The following DNAAF6 variants were observed in gnomAD, a reference collection of about 807,000 sequenced individuals.
DNAAF6 encodes PIH1 domain containing 3.
A neutral mutation model predicts 13.7 loss-of-function variants in DNAAF6; 3 were observed. That is an observed-to-expected ratio of 0.22 (90% confidence interval 0.10 to 0.56). The LOEUF is 0.56. Among genes scored for constraint, DNAAF6 ranks in the 20% least tolerant of loss-of-function variants. The pLI is 0.92. For synonymous variants in DNAAF6, 54 were observed against 49.2 expected, an observed-to-expected ratio of 1.10 and a Z score of -0.41; for missense variants, 130 against 151.0, an observed-to-expected ratio of 0.86 and a Z score of 0.73.
At chrX:107,228,209 G>A (rs1395694586) in intron 5 of DNAAF6, among the ~76,000 whole-genome samples, 1 of 111,966 alleles carries the variant, frequency 8.9e-6, no homozygotes, top group Non-Finnish European at 1.9e-5. Context: ...TTAGGATGCA[G>A]AAAGAACTTT....
At chrX:107,220,117 A>G (rs754108120) in intron 4 of DNAAF6, among the ~76,000 whole-genome samples, 2 of 112,194 alleles carry the variant, frequency 1.8e-5, no homozygotes, top group South Asian at 7.4e-4. Flanking sequence ...CCAGTATAAA[A>G]CAAGCAAATA....
Position 107,237,399 on chromosome X carries a change from G to A in DNAAF6, c.430-1523G>A, listed in dbSNP as rs190580272. 6.3e-5 allele frequency among the ~76,000 whole-genome samples: 7 copies of A among 111,966 alleles called. No homozygotes were observed. The Admixed American group carries it at 6.7e-4, about 11-fold the overall frequency. On this transcript the variant is annotated intron_variant, in intron 5 of 6. Coordinates refer to ENST00000372453, the MANE Select transcript of DNAAF6 (RefSeq NM_173494.2). ...GCATTTTCTTCATTTCTTTGTTTAT[G>A]GAAACCATATGCCATGCTATCCTAT...
At chrX:107,237,733 C>T (rs928866361) in intron 5 of DNAAF6, among the ~76,000 whole-genome samples, 4 of 112,191 alleles carry the variant, frequency 3.6e-5, no homozygotes, top group African/African-American at 1.3e-4. Context: ...CCTGTAATTC[C>T]AGCACGTTGG....
At chrX:107,232,774 G>A (rs1156928436) in intron 5 of DNAAF6, among the ~76,000 whole-genome samples, 1 of 110,942 alleles carries the variant, frequency 9.0e-6, no homozygotes, top group Non-Finnish European at 1.9e-5. Context: ...ACAGGGTCTT[G>A]CTCTGTCACC....
intron 1 of DNAAF6, among the ~76,000 whole-genome samples, chrX:107,207,851 C>T (rs975736329): frequency 1.8e-5 from 2 of 110,544 alleles, no homozygotes; most frequent in African/African-American, 6.6e-5. Context: ...CCCTGGAGAT[C>T]GAGGCTGCAG....
chrX:107,237,107 T>A (rs899689942), intron 5 of DNAAF6, among the ~76,000 whole-genome samples: 1 of 112,438 alleles, frequency 8.9e-6, no homozygotes, highest in African/African-American at 3.2e-5. Context: ...TTTACAAATC[T>A]TTGTTTATAT....
intron 5 of DNAAF6, among the ~76,000 whole-genome samples, chrX:107,223,886 C>T (rs1928201818): frequency 9.0e-6 from 1 of 111,122 alleles, no homozygotes; most frequent in Admixed American, 9.6e-5. Context: ...CAGGGTTTTA[C>T]CAGTAATATT....
intron 5 of DNAAF6, among the ~76,000 whole-genome samples, chrX:107,223,060 A>G (rs759624145): frequency 1.8e-5 from 2 of 112,234 alleles, no homozygotes; most frequent in Non-Finnish European, 1.9e-5. Flanking sequence ...ACAAATAAAC[A>G]TAATGGAATC....
intron 5 of DNAAF6, 100 bp from the exon 6 acceptor site, chrX:107,238,822 T>A: frequency 8.9e-7 from 1 of 1,125,980 alleles, no homozygotes; most frequent in Non-Finnish European, 1.2e-6. Flanking sequence ...GGCACATAGT[T>A]GACAATAAAT....
At chrX:107,223,940 G>A (rs769472956) in intron 5 of DNAAF6, among the ~76,000 whole-genome samples, 20 of 111,247 alleles carry the variant, frequency 1.8e-4, no homozygotes, top group Non-Finnish European at 3.8e-4. Flanking sequence ...TGTTTTTGAT[G>A]TGTAATGTTG....
chrX:107,217,134 G>C (rs1928011798), intron 3 of DNAAF6, among the ~76,000 whole-genome samples: 1 of 111,790 alleles, frequency 8.9e-6, no homozygotes, highest in Non-Finnish European at 1.9e-5. Context: ...TAAAGATGCT[G>C]TTTTTACTCT....
intron 1 of DNAAF6, among the ~76,000 whole-genome samples, chrX:107,210,095 T>C (rs1323072952): frequency 9.0e-6 from 1 of 111,306 alleles, no homozygotes; most frequent in Admixed American, 9.6e-5. Context: ...GGCTAGTAGA[T>C]GGTCCAATCA....
intron 6 of DNAAF6, among the ~76,000 whole-genome samples, chrX:107,241,380 A>G (rs1282156940): frequency 3.6e-5 from 4 of 112,240 alleles, no homozygotes; most frequent in African/African-American, 1.3e-4. Flanking sequence ...AAATGCAAAT[A>G]CATTGTCAAT....
At chrX:107,233,537 GTATTAGATATTTTTTAGGTTCCACATT>G (rs1405410442) in intron 5 of DNAAF6, among the ~76,000 whole-genome samples, 1 of 111,194 alleles carries the variant, frequency 9.0e-6, no homozygotes, top group Non-Finnish European at 1.9e-5. Context: ...CTATTTCTAT[GTATTAGATATTTTTTAGGTTCCACATT>G]TAAGAGAGAT....
In DNAAF6 at chrX:107,243,179, A is replaced by T; in HGVS notation, c.526A>T (p.Ile176Leu). ...DLRTPQKKLL[I>L]TLPELVECTS... ...GTTGTTTTTTTTTAGGAAGCTGTTG[A>T]TAACTCTTCCTGAGCTGGTGGAATG... The change falls in exon 7 of 7, where the codon ATA becomes TTA. Residue 176 changes from isoleucine to leucine, a missense_variant. Transcript: ENST00000372453. The T allele has an allele frequency of 2.5e-6, 3 of 1,200,743 alleles. No individual in the cohort carries two copies. The highest frequency in any genetic ancestry group is 3.7e-5 in the South Asian group (2 of 54,335).
intron 1 of DNAAF6, among the ~76,000 whole-genome samples, chrX:107,211,636 G>T (rs1478201562): frequency 8.9e-6 from 1 of 111,990 alleles, no homozygotes; most frequent in African/African-American, 3.2e-5. Context: ...GTCACTTTAG[G>T]AGACTAATCT....
At chrX:107,221,737 TA>T (rs990981526) in intron 4 of DNAAF6, among the ~76,000 whole-genome samples, 4 of 110,984 alleles carry the variant, frequency 3.6e-5, no homozygotes, top group African/African-American at 1.3e-4. Context: ...TATAGCCTAT[TA>T]AGAGAAAAGT....
intron 5 of DNAAF6, among the ~76,000 whole-genome samples, chrX:107,225,173 T>C (rs919237343): frequency 2.7e-5 from 3 of 110,115 alleles, no homozygotes; most frequent in African/African-American, 9.9e-5. Context: ...TCAAAAAAGA[T>C]AAAAGCTTGT....
chrX:107,209,772 A>G (rs1927810227), intron 1 of DNAAF6, among the ~76,000 whole-genome samples: 1 of 111,890 alleles, frequency 8.9e-6, no homozygotes, highest in Non-Finnish European at 1.9e-5. Context: ...TTTATTTACC[A>G]TATATACTTG....
Sources: allele counts gnomAD v4.1 joint callset (sites outside exome capture counted in the v4.1 genomes callset), GRCh38; gene constraint gnomAD v4.1.1; transcripts MANE v1.5; gene names NCBI Gene and HGNC (gene_info 2026-07-23, HGNC 2026-07-21).